ABCA13: variants seen among roughly 807,000 people sequenced by gnomAD.
ABCA13 encodes ATP-binding cassette sub-family A member 13.
ABCA13 carries 476 observed loss-of-function variants against 478.7 expected under a neutral mutation model. The observed-to-expected ratio is 0.99, with a 90% CI of 0.92 to 1.07. ABCA13 has a LOEUF of 1.07. ABCA13 is among the 50% of genes least tolerant of loss of function. The pLI is 0.00. For synonymous variants in ABCA13, 2,252 were observed against 2,158.9 expected, an observed-to-expected ratio of 1.04 and a Z score of -1.20; for missense variants, 6,060 against 5,910.6, an observed-to-expected ratio of 1.03 and a Z score of -0.83.
chr7:48,357,262 G>C (rs1352187264), intron 31 of ABCA13, among the ~76,000 whole-genome samples: 2 of 151,848 alleles, frequency 1.3e-5, no homozygotes, highest in Non-Finnish European at 2.9e-5. Context: ...CTCTACTTCA[G>C]GTAACTTTAT....
Position 48,234,057 on chromosome 7 carries a change from A to G in ABCA13, c.803A>G (p.Asp268Gly), listed in dbSNP as rs566275204. The G allele has an allele frequency of 1.9e-5, 31 of 1,613,950 alleles. No homozygotes were observed. The East Asian group carries it at 6.0e-4, about 31-fold the overall frequency. ...CTGTCCATGCAGAATATAGTGTGGG[A>G]TCCACAGAAAGTCCAGTATGATCTC... The part of the protein sequence containing the change: ...YHLSMQNIVW[D>G]PQKVQYDLKS... Residue 268 changes from aspartate (D) to glycine (G), a missense_variant, in exon 8 of 62, where the codon GAT becomes GGT. Transcript: ENST00000435803.
intron 1 of ABCA13, among the ~76,000 whole-genome samples, chr7:48,176,126 T>C (rs2128856031): frequency 6.6e-6 from 1 of 152,302 alleles, no homozygotes; most frequent in Admixed American, 6.5e-5. Context: ...GTTGACACCT[T>C]GGATCTCTGT....
At position 48,371,030 on chromosome 7, in the gene ABCA13, T is replaced by C. The variant is rs1391563383; in HGVS notation, c.10804-1138T>C. 2.0e-5 allele frequency among the ~76,000 whole-genome samples: 3 copies of C among 152,312 alleles called. No homozygotes were observed. The East Asian group carries it at 5.8e-4, about 29-fold the overall frequency. The stretch of plus-strand genomic sequence containing the variant: ...AGTTTTCCTGGTACCATTTATTAAA[T>C]AGGGAACCCTTTCCCCATTGCTTAT... On this transcript the variant is annotated intron_variant, in intron 32 of 61. Transcript: ENST00000435803.
chr7:48,447,502 A>T (rs1429180612), intron 42 of ABCA13, among the ~76,000 whole-genome samples: 1 of 152,110 alleles, frequency 6.6e-6, no homozygotes, highest in East Asian at 1.9e-4. Context: ...GTTGTTTTTA[A>T]CTCTGAAAAT....
chr7:48,356,713 C>T (rs1246456111), intron 31 of ABCA13, among the ~76,000 whole-genome samples: 1 of 151,916 alleles, frequency 6.6e-6, no homozygotes, highest in Non-Finnish European at 1.5e-5. Flanking sequence ...TTGCTGGAGA[C>T]TGTAGAGATG....
intron 59 of ABCA13, among the ~76,000 whole-genome samples, chr7:48,634,138 C>T (rs1047534943): frequency 6.6e-6 from 1 of 152,102 alleles, no homozygotes; most frequent in Admixed American, 6.5e-5. Context: ...TAGAATAAAT[C>T]TCACTTGATC....
intron 44 of ABCA13, among the ~76,000 whole-genome samples, chr7:48,469,271 CA>C (rs1216169904): frequency 6.6e-6 from 1 of 152,062 alleles, no homozygotes; most frequent in Non-Finnish European, 1.5e-5. Flanking sequence ...CATTATTAGC[CA>C]AAAGGTGGGA....
chr7:48,268,942 C>A, intron 15 of ABCA13, 38 bp from the exon 16 acceptor site: 1 of 1,058,490 alleles, frequency 9.4e-7, no homozygotes, highest in Middle Eastern at 2.4e-4. Flanking sequence ...CTGTTATAAC[C>A]AGTTTATAAT....
At chr7:48,398,137 T>G (rs935076116) in intron 38 of ABCA13, among the ~76,000 whole-genome samples, 1 of 152,226 alleles carries the variant, frequency 6.6e-6, no homozygotes, top group African/African-American at 2.4e-5. Context: ...TCTTATGGAC[T>G]ATATATTATG....
intron 41 of ABCA13, among the ~76,000 whole-genome samples, chr7:48,417,327 G>T (rs545441905): frequency 6.6e-6 from 1 of 152,064 alleles, no homozygotes; most frequent in African/African-American, 2.4e-5. Context: ...AAGAAACCCA[G>T]TGCCTTCTAG....
At chr7:48,589,436 G>C (rs1458350227) in intron 57 of ABCA13, among the ~76,000 whole-genome samples, 1 of 152,054 alleles carries the variant, frequency 6.6e-6, no homozygotes, top group Non-Finnish European at 1.5e-5. Flanking sequence ...ATAATTAACT[G>C]ATAAAAATGG....
At chr7:48,260,194 T>C (rs539040357) in intron 15 of ABCA13, among the ~76,000 whole-genome samples, 1 of 152,220 alleles carries the variant, frequency 6.6e-6, no homozygotes, top group South Asian at 2.1e-4. Context: ...ATCTGACTTT[T>C]TGAGTTGTCA....
intron 40 of ABCA13, among the ~76,000 whole-genome samples, chr7:48,411,216 C>G (rs1819150664): frequency 1.4e-5 from 2 of 145,964 alleles, no homozygotes; most frequent in African/African-American, 5.1e-5. Context: ...TTCTCCCCTT[C>G]CCTTCTCTTT....
intron 45 of ABCA13, among the ~76,000 whole-genome samples, chr7:48,478,948 CTTTT>C (rs71227263): frequency 5.2e-5 from 7 of 134,554 alleles, no homozygotes; most frequent in Admixed American, 1.5e-4. Flanking sequence ...AAAATCTACT[CTTTT>C]TTTTTTTTTT....
chr7:48,479,710 A>T (rs1828561059), intron 45 of ABCA13, among the ~76,000 whole-genome samples: 1 of 152,202 alleles, frequency 6.6e-6, no homozygotes, highest in African/African-American at 2.4e-5. Flanking sequence ...ACTTTTTTAG[A>T]TTCCACAAAT....
chr7:48,493,931 AACAG>A (rs1260018805), intron 48 of ABCA13, among the ~76,000 whole-genome samples: 3 of 152,198 alleles, frequency 2.0e-5, no homozygotes, highest in Admixed American at 6.5e-5. Flanking sequence ...GAAGCAGGAA[AACAG>A]ACAGAAGTGT....
intron 3 of ABCA13, among the ~76,000 whole-genome samples, chr7:48,217,253 A>G (rs1458043282): frequency 6.6e-6 from 1 of 152,248 alleles, no homozygotes; most frequent in East Asian, 1.9e-4. Flanking sequence ...TGAGTCAGCC[A>G]TAACAACCTT....
intron 15 of ABCA13, among the ~76,000 whole-genome samples, chr7:48,252,053 T>C (rs2128698959): frequency 6.6e-6 from 1 of 152,318 alleles, no homozygotes. Flanking sequence ...CTTGCATTTG[T>C]ATATCCATTT....
chr7:48,449,486 G>A (rs1824727275), intron 42 of ABCA13, among the ~76,000 whole-genome samples: 1 of 152,116 alleles, frequency 6.6e-6, no homozygotes, highest in Non-Finnish European at 1.5e-5. Context: ...TATCTAACAG[G>A]GAAGAAAATT....
Sources: gnomAD v4.1 joint callset for allele counts (sites outside exome capture counted in the v4.1 genomes callset) on GRCh38, gnomAD v4.1.1 for gene constraint, MANE v1.5 for transcripts, NCBI Gene and HGNC (gene_info 2026-07-23, HGNC 2026-07-21) for gene names.